DNAAF10: variants seen among roughly 807,000 people sequenced by gnomAD.
DNAAF10 encodes WD repeat domain 92.
DNAAF10 carries 28 observed loss-of-function variants against 43.7 expected under a neutral mutation model. That is an observed-to-expected ratio of 0.64 (90% CI 0.48 to 0.88). The LOEUF (loss-of-function observed/expected upper bound fraction) is 0.88. Among genes scored for constraint, DNAAF10 ranks in the 40% least tolerant of loss-of-function variants. The probability of loss-of-function intolerance (pLI) is 0.00; values close to 1 mark genes in which losing one functional copy is unlikely to be tolerated. For missense variants in DNAAF10, 403 were observed against 439.1 expected, an observed-to-expected ratio of 0.92 and a Z score of 0.73; for synonymous variants, 156 against 157.3, an observed-to-expected ratio of 0.99 and a Z score of 0.06.
In DNAAF10 at chr2:68,144,671, T is replaced by C. The variant is rs1442780695; in HGVS notation, c.329A>G (p.His110Arg). ...ATCTATGGCATTTATAATTTCTTTA[T>C]GGCCCTTTACAGAATATACTGGCAT... ...PEMPVYSVKG[H>R]KEIINAIDGI... The change falls in exon 3 of 8, where the codon CAT becomes CGT. Residue 110 changes from histidine (H) to arginine (R), a missense_variant. His to Arg is a conservative substitution (Grantham distance 29, BLOSUM62 0). Coordinates refer to ENST00000295121, the MANE Select transcript of DNAAF10 (RefSeq NM_138458.4). 6.2e-7 allele frequency: 1 copy of C among 1,614,066 alleles called. No individual in the cohort carries two copies. The highest frequency in any genetic ancestry group is 8.5e-7 in the Non-Finnish European group (1 of 1,180,014).
chr2:68,135,574 C>T lies in DNAAF10; in HGVS notation c.769-775G>A, dbSNP rs546077043. Among the ~76,000 whole-genome samples the T allele has an allele frequency of 2.4e-4, 37 of 152,138 alleles. No individual in the cohort carries two copies. In the South Asian group the frequency reaches 6.5e-3, roughly 27 times the overall value. On this transcript the variant is annotated intron_variant, in intron 6 of 7. Coordinates refer to ENST00000295121, the MANE Select transcript of DNAAF10 (RefSeq NM_138458.4). Reference sequence around the variant, plus strand: ...GACAGAGGGAGAGAGAGAAAGGAGGCGGGAGGGAATGAATGACTGCTGCTT... The same window carrying T: ...GACAGAGGGAGAGAGAGAAAGGAGGTGGGAGGGAATGAATGACTGCTGCTT...
intron 7 of DNAAF10, among the ~76,000 whole-genome samples, chr2:68,133,469 C>G (rs1672967700): frequency 6.6e-6 from 1 of 152,114 alleles, no homozygotes; most frequent in South Asian, 2.1e-4. Context: ...AGTGTTCACT[C>G]TGGCTGGGTG....
intron 6 of DNAAF10, 48 bp from the exon 7 acceptor site, chr2:68,134,847 C>A (rs370573803): frequency 6.3e-7 from 1 of 1,599,044 alleles, no homozygotes; most frequent in Admixed American, 1.7e-5. Flanking sequence ...TAAATGGTGC[C>A]CTGGAAGAGA....
chr2:68,137,597 G>A (rs546973004), intron 5 of DNAAF10, among the ~76,000 whole-genome samples, 164 bp from the exon 6 acceptor site: 29 of 152,138 alleles, frequency 1.9e-4, no homozygotes, highest in South Asian at 2.1e-4. Context: ...AGCCAGGCGC[G>A]GTGGCTTATG....
intron 2 of DNAAF10, among the ~76,000 whole-genome samples, chr2:68,146,402 T>C (rs1041339502): frequency 6.6e-6 from 1 of 152,212 alleles, no homozygotes; most frequent in Non-Finnish European, 1.5e-5. Flanking sequence ...CTTTAAAACA[T>C]TATTTTTTAA....
chr2:68,154,509 G>T (rs2103642559), intron 1 of DNAAF10, among the ~76,000 whole-genome samples: 1 of 152,216 alleles, frequency 6.6e-6, no homozygotes, highest in Admixed American at 6.5e-5. Flanking sequence ...GCCTCCCAAA[G>T]TGCTGGGATT....
At chr2:68,131,590 T>C in intron 7 of DNAAF10, 145 bp from the exon 8 acceptor site, 1 of 802,604 alleles carries the variant, frequency 1.2e-6, no homozygotes, top group Non-Finnish European at 1.9e-6. Context: ...CTGAGTTGTT[T>C]GCAAATAAAG....
chr2:68,157,310 A>G lies in DNAAF10; in HGVS notation c.134T>C (p.Val45Ala), dbSNP rs759787199. The G allele has an allele frequency of 3.5e-5, 57 of 1,613,960 alleles. No individual in the cohort carries two copies. Among genetic ancestry groups the G allele is most frequent in the Non-Finnish European group, 4.7e-5 (55 of 1,180,002 alleles). Residue 45 changes from valine (V) to alanine (A), a missense_variant, in exon 1 of 8, where the codon GTC (valine) becomes GCC (alanine). Transcript: ENST00000295121. Reference protein sequence around the residue: ...TMGNFARGTGVIQLYEIQHGD... With the variant: ...TMGNFARGTGAIQLYEIQHGD... ...GTGCTGGATCTCGTACAGCTGAATGACGCCGGTGCCCCGTGCGAAGTTGCC... is the reference window on the plus strand; with the variant it reads ...GTGCTGGATCTCGTACAGCTGAATGGCGCCGGTGCCCCGTGCGAAGTTGCC...
intron 1 of DNAAF10, among the ~76,000 whole-genome samples, chr2:68,149,051 T>C (rs1324520482): frequency 6.6e-6 from 1 of 152,202 alleles, no homozygotes; most frequent in Non-Finnish European, 1.5e-5. Flanking sequence ...GTTCTCTTCA[T>C]CCCTCCCAGG....
chr2:68,150,203 A>G (rs1418890467), intron 1 of DNAAF10, among the ~76,000 whole-genome samples: 1 of 152,196 alleles, frequency 6.6e-6, no homozygotes, highest in Non-Finnish European at 1.5e-5. Flanking sequence ...ACTGGAAGCA[A>G]AAACTTTCCT....
At chr2:68,157,224 C>A in intron 1 of DNAAF10, 37 bp downstream of exon 1, 1 of 1,588,512 alleles carries the variant, frequency 6.3e-7, no homozygotes, top group Non-Finnish European at 8.6e-7. Flanking sequence ...CCGCACTCGC[C>A]CCCAACGGCA....
intron 1 of DNAAF10, among the ~76,000 whole-genome samples, chr2:68,150,689 C>T (rs1673435058): frequency 6.6e-6 from 1 of 152,132 alleles, no homozygotes; most frequent in African/African-American, 2.4e-5. Context: ...GCCAAGATCA[C>T]ACCACCGCAC....
intron 1 of DNAAF10, among the ~76,000 whole-genome samples, chr2:68,149,137 T>C (rs1252345128): frequency 1.3e-5 from 2 of 152,230 alleles, no homozygotes; most frequent in Admixed American, 6.5e-5. Flanking sequence ...CTATATAGGG[T>C]ATATTATCCA....
At chr2:68,138,399 G>A (rs972170084) in intron 5 of DNAAF10, among the ~76,000 whole-genome samples, 3 of 152,158 alleles carry the variant, frequency 2.0e-5, no homozygotes, top group African/African-American at 7.2e-5. Context: ...CTGAGCTGGG[G>A]AGGTGACTAC....
intron 1 of DNAAF10, among the ~76,000 whole-genome samples, chr2:68,156,033 C>T (rs1235452400): frequency 3.2e-5 from 4 of 125,884 alleles, no homozygotes; most frequent in African/African-American, 5.9e-5. Flanking sequence ...GGTGGGGAGG[C>T]GGAGGTTGCA....
chr2:68,135,169 A>C (rs1452311522), intron 6 of DNAAF10, among the ~76,000 whole-genome samples: 1 of 152,206 alleles, frequency 6.6e-6, no homozygotes, highest in Non-Finnish European at 1.5e-5. Context: ...ACTTTTGTTT[A>C]TATATACGAA....
chr2:68,147,389 T>C lies in DNAAF10; in HGVS notation c.284+78A>G, dbSNP rs188741185. The C allele has an allele frequency of 2.2e-5, 24 of 1,077,204 alleles. 1 individual carries two copies. The African/African-American group carries it at 3.1e-4, about 14-fold the overall frequency. 66.7% of individuals were successfully genotyped at this position (1,077,204 alleles called of 1,614,324 possible). On this transcript the variant is annotated intron_variant, in intron 2 of 7. Coordinates refer to ENST00000295121, the MANE Select transcript of DNAAF10 (RefSeq NM_138458.4). ...GAAAGATTTTAAAATTAAAATTCTCTCTTTCAGAGAAAGAGTAATGAAACT... is the reference window on the plus strand; with the variant it reads ...GAAAGATTTTAAAATTAAAATTCTCCCTTTCAGAGAAAGAGTAATGAAACT...
Position 68,140,865 on chromosome 2 carries a change from CA to C in DNAAF10, c.517+828del, listed in dbSNP as rs1159537423. On this transcript the variant is annotated intron_variant, in intron 4 of 7. Coordinates refer to ENST00000295121, the MANE Select transcript of DNAAF10 (RefSeq NM_138458.4). ...AATTTGCATCTACACTAAAAACGTA[CA>C]GACTTCTTGTGCTTGTCATTATTCC... Among the ~76,000 whole-genome samples the C allele has an allele frequency of 1.4e-4, 22 of 152,128 alleles. 1 individual carries two copies. The highest frequency in any genetic ancestry group is 1.4e-3 in the Admixed American group (22 of 15,214).
intron 6 of DNAAF10, 67 bp downstream of exon 6, chr2:68,137,232 A>G (rs1673065209): frequency 1.4e-6 from 2 of 1,480,594 alleles, no homozygotes; most frequent in East Asian, 4.8e-5. Flanking sequence ...TTGGTGACTA[A>G]TTCTACTTAT....
Sources: gnomAD v4.1 joint callset for allele counts (sites outside exome capture counted in the v4.1 genomes callset) on GRCh38, gnomAD v4.1.1 for gene constraint, MANE v1.5 for transcripts, NCBI Gene and HGNC (gene_info 2026-07-23, HGNC 2026-07-21) for gene names.